LRRC4C: variants seen among roughly 807,000 people sequenced by gnomAD.
The protein encoded by LRRC4C is leucine rich repeat containing 4C.
In LRRC4C, 5 loss-of-function variants were observed where a neutral mutation model predicts 33.6. The ratio of observed to expected loss-of-function variants is 0.15; its 90% CI spans 0.08 to 0.31. LRRC4C has a LOEUF of 0.31. LRRC4C is among the 10% of genes least tolerant of loss of function. LRRC4C has a pLI of 1.00. For synonymous variants in LRRC4C, 329 were observed against 302.0 expected (o/e 1.09, Z -0.93); for missense variants, 560 against 796.7 (o/e 0.70, Z 3.58).
chr11:40,627,272 AGAGC>A (rs1335171367), intron 3 of LRRC4C, among the ~76,000 whole-genome samples: 4 of 108,802 alleles, frequency 3.7e-5, no homozygotes, highest in African/African-American at 7.5e-5. Context: ...AGAGAGAGAG[AGAGC>A]GAGAGAGAGA....
chr11:41,271,679 C>T (rs866514039), intron 1 of LRRC4C, among the ~76,000 whole-genome samples: 7 of 152,150 alleles, frequency 4.6e-5, no homozygotes, highest in South Asian at 2.1e-4. Context: ...TCAGCATGTT[C>T]ATTGTTCTTT....
chr11:41,135,948 A>G (rs904243943), intron 1 of LRRC4C, among the ~76,000 whole-genome samples: 7 of 148,642 alleles, frequency 4.7e-5, no homozygotes, highest in African/African-American at 1.7e-4. Context: ...ACCAGTTACA[A>G]TTGTAACCCT....
At chr11:41,349,342 A>G (rs1951899706) in intron 1 of LRRC4C, among the ~76,000 whole-genome samples, 1 of 152,184 alleles carries the variant, frequency 6.6e-6, no homozygotes, top group Non-Finnish European at 1.5e-5. Flanking sequence ...GACATGCTGC[A>G]ACCACACTGA....
chr11:40,333,337 A>G (rs1180222442), intron 3 of LRRC4C, among the ~76,000 whole-genome samples: 2 of 152,214 alleles, frequency 1.3e-5, no homozygotes, highest in East Asian at 3.8e-4. Context: ...TTTAATGTAG[A>G]AAAGCCTTGG....
chr11:40,254,425 A>G (rs1221291065), intron 4 of LRRC4C, among the ~76,000 whole-genome samples: 1 of 152,210 alleles, frequency 6.6e-6, no homozygotes, highest in East Asian at 1.9e-4. Flanking sequence ...CGTGCTGCTC[A>G]CTTGTACATT....
intron 1 of LRRC4C, among the ~76,000 whole-genome samples, chr11:41,052,571 T>C (rs571061969): frequency 6.6e-6 from 1 of 152,068 alleles, no homozygotes; most frequent in East Asian, 1.9e-4. Flanking sequence ...CTAGTTAATT[T>C]CTTTAGGAGT....
chr11:40,724,078 A>G (rs1342982851), intron 2 of LRRC4C, among the ~76,000 whole-genome samples: 2 of 151,784 alleles, frequency 1.3e-5, no homozygotes, highest in Non-Finnish European at 2.9e-5. Flanking sequence ...CTAAATATAT[A>G]CACAACCAAT....
chr11:40,411,800 G>A lies in LRRC4C; in HGVS notation c.-269-92079C>T, dbSNP rs541673153. On this transcript the variant is annotated intron_variant, in intron 3 of 6. Coordinates refer to ENST00000528697, the MANE Select transcript of LRRC4C (RefSeq NM_001258419.2). ...TTTCTCCAGCCTATCAGGAAATTCA[G>A]TAAAAATAAAAACTGATAGTGATAA... 3.4e-4 allele frequency among the ~76,000 whole-genome samples: 51 copies of A among 152,038 alleles called. 1 individual carries two copies. Among genetic ancestry groups the A allele is most frequent in the African/African-American group, 1.2e-3 (49 of 41,512 alleles).
chr11:40,906,826 T>C (rs1207052982), intron 2 of LRRC4C, among the ~76,000 whole-genome samples: 1 of 152,170 alleles, frequency 6.6e-6, no homozygotes, highest in African/African-American at 2.4e-5. Flanking sequence ...ACATATACAT[T>C]ATTCACACAC....
intron 3 of LRRC4C, among the ~76,000 whole-genome samples, chr11:40,442,624 G>T (rs919189626): frequency 3.1e-4 from 47 of 152,192 alleles, no homozygotes; most frequent in Non-Finnish European, 5.1e-4. Flanking sequence ...AGCCTAAAGT[G>T]TGATTCTCCA....
intron 1 of LRRC4C, among the ~76,000 whole-genome samples, chr11:41,149,622 C>T (rs575811963): frequency 6.6e-6 from 1 of 151,798 alleles, no homozygotes; most frequent in East Asian, 1.9e-4. Context: ...GGTGGAGGGA[C>T]CTACCTGCCT....
intron 3 of LRRC4C, among the ~76,000 whole-genome samples, chr11:40,582,952 T>C (rs1033266679): frequency 1.3e-5 from 2 of 152,214 alleles, no homozygotes; most frequent in Non-Finnish European, 2.9e-5. Flanking sequence ...TAACAATTTA[T>C]TTGTGTTGGT....
In LRRC4C at chr11:40,945,028, T is replaced by C. The variant is rs969507241; in HGVS notation, c.-495-11305A>G. Among the ~76,000 whole-genome samples, 71 of 145,458 alleles carry C rather than the reference T, an allele frequency of 4.9e-4. 1 individual carries two copies. In the South Asian group the frequency reaches 6.6e-3, roughly 14 times the overall value. ...TGTTCAACTTTGCAGTTTTTCTTTT[T>C]TTTTTTTTTTTTTTTTTGAGACGGA... On this transcript the variant is annotated intron_variant, in intron 1 of 6. Coordinates refer to ENST00000528697, the MANE Select transcript of LRRC4C (RefSeq NM_001258419.2).
intron 4 of LRRC4C, among the ~76,000 whole-genome samples, chr11:40,305,623 A>C (rs74647193): frequency 6.6e-6 from 1 of 151,020 alleles, no homozygotes; most frequent in African/African-American, 2.4e-5. Flanking sequence ...AAAAAAAAAA[A>C]GGAAGAATGT....
intron 3 of LRRC4C, among the ~76,000 whole-genome samples, chr11:40,376,806 G>A (rs977169013): frequency 2.0e-5 from 3 of 151,874 alleles, no homozygotes; most frequent in South Asian, 2.1e-4. Context: ...ATAGTGGTCC[G>A]TATCCTTAGA....
intron 3 of LRRC4C, among the ~76,000 whole-genome samples, chr11:40,355,953 T>TGTATAGTATAGTATA (rs750933194): frequency 0.17 from 21,144 of 121,400 alleles, 1,660 homozygotes; most frequent in East Asian, 0.21. Flanking sequence ...AGTATAGTAT[T>TGTATAGTATAGTATA]GTATAGTATA....
rs527458525 is a variant in LRRC4C at position 40,124,649 on chromosome 11, A to G, written c.-42-8315T>C. Among the ~76,000 whole-genome samples the G allele has an allele frequency of 6.6e-5, 10 of 152,316 alleles. No homozygotes were observed. In the South Asian group the frequency reaches 2.1e-3, roughly 32 times the overall value. On this transcript the variant is annotated intron_variant, in intron 6 of 6. Transcript: ENST00000528697. ...GATAGAGAGCAGAATGATGGTTATC[A>G]GAGACTGGGAAGCATAGTTGGATGT...
chr11:40,888,552 T>G (rs1955563556), intron 2 of LRRC4C, among the ~76,000 whole-genome samples: 1 of 152,034 alleles, frequency 6.6e-6, no homozygotes, highest in Admixed American at 6.6e-5. Context: ...CCCACTTATT[T>G]GGAAATGTTG....
rs1948889581 is a variant in LRRC4C at position 40,381,988 on chromosome 11, G to A, written c.-269-62267C>T. ...TTTTTTTTTTTTTTGAGAGAGTCCC[G>A]CTCTGTCGCCCAGGCTGGAGTGCAG... On this transcript the variant is annotated intron_variant, in intron 3 of 6. Coordinates refer to ENST00000528697, the MANE Select transcript of LRRC4C (RefSeq NM_001258419.2). Among the ~76,000 whole-genome samples the A allele has an allele frequency of 2.8e-5, 3 of 107,314 alleles. No homozygotes were observed. The South Asian group carries it at 1.0e-3, about 36-fold the overall frequency. The allele number at this position is 107,314 out of a possible 152,430, so 70.4% of individuals were successfully genotyped here.
Sources: gnomAD v4.1 joint callset for allele counts (sites outside exome capture counted in the v4.1 genomes callset) on GRCh38, gnomAD v4.1.1 for gene constraint, MANE v1.5 for transcripts, NCBI Gene and HGNC (gene_info 2026-07-23, HGNC 2026-07-21) for gene names.